Variants in ICMT observed in about 807,000 individuals in gnomAD.
ICMT encodes the protein protein-S-isoprenylcysteine O-methyltransferase.
ICMT carries 10 observed loss-of-function variants against 32.2 expected under a neutral mutation model. The observed-to-expected ratio is 0.31, with a 90% CI of 0.19 to 0.53. The LOEUF (loss-of-function observed/expected upper bound fraction) is 0.53, where lower values mean the gene tolerates loss of function less well. Among genes scored for constraint, ICMT ranks in the 20% least tolerant of loss-of-function variants. The pLI is 0.96. For synonymous variants in ICMT, 183 were observed against 158.2 expected (o/e 1.16, Z -1.18); for missense variants, 265 against 356.9 (o/e 0.74, Z 2.07).
chr1:6,229,442 C>A (rs564783827), intron 4 of ICMT, among the ~76,000 whole-genome samples: 1 of 152,262 alleles, frequency 6.6e-6, no homozygotes, highest in Admixed American at 6.5e-5. Flanking sequence ...CACATGATTG[C>A]ACTCCAGCCT....
chr1:6,225,585 G>A (rs371955020), intron 4 of ICMT, among the ~76,000 whole-genome samples: 4 of 152,098 alleles, frequency 2.6e-5, no homozygotes, highest in Admixed American at 2.0e-4. Context: ...TCCCATGCAC[G>A]CTGCCTTCCT....
rs2100957138 is a variant in ICMT, at chr1:6,223,242, G to C, written c.*1838C>G. 6.6e-6 allele frequency: 1 copy of C among 152,308 alleles called. No homozygotes were observed. The highest frequency in any genetic ancestry group is 1.9e-4 in the East Asian group (1 of 5,186). 9.4% of individuals were successfully genotyped at this position (152,308 alleles called of 1,614,324 possible). ...CCTGTCTCAGCCTCCTGAGTAGCTG[G>C]GATTACAGGCACCCGCCAGCACGCC... is the stretch of plus-strand genomic sequence containing the variant. On this transcript the variant is annotated 3_prime_UTR_variant, in exon 5 of 5. Transcript: ENST00000343813.
intron 2 of ICMT, among the ~76,000 whole-genome samples, chr1:6,233,932 T>C (rs1413568855): frequency 6.6e-6 from 1 of 152,196 alleles, no homozygotes; most frequent in Non-Finnish European, 1.5e-5. Flanking sequence ...CACTGCAACC[T>C]CCGCCTCCCA....
In ICMT at chr1:6,223,892, A is replaced by T. The variant is rs1668600985; in HGVS notation, c.*1188T>A. 6.6e-6 allele frequency: 1 copy of T among 152,252 alleles called. No individual in the cohort carries two copies. The highest frequency in any genetic ancestry group is 6.5e-5 in the Admixed American group (1 of 15,284). The allele number at this position is 152,252 out of a possible 1,614,324, so 9.4% of individuals were successfully genotyped here. A position where few individuals can be genotyped will look rare whatever the true frequency, so the allele number is the denominator to read the frequency against. ...AGGCCAAGTTCCTGTCTAGTCCAGAATGAAGCCAGCGTCTCACCTCTTAAA... is the reference window on the plus strand; with the variant it reads ...AGGCCAAGTTCCTGTCTAGTCCAGATTGAAGCCAGCGTCTCACCTCTTAAA... On this transcript the variant is annotated 3_prime_UTR_variant, in exon 5 of 5. Coordinates refer to ENST00000343813, the MANE Select transcript of ICMT (RefSeq NM_012405.4).
At position 6,225,023 on chromosome 1, in the gene ICMT, G is replaced by C; in HGVS notation, c.*57C>G. ...ATGTGGCAGCGGCCAACCGGAAACA[G>C]TTTTGTCCCAGGCTGCACAGGGTCG... On this transcript the variant is annotated 3_prime_UTR_variant, in exon 5 of 5. Transcript: ENST00000343813. 1.4e-6 allele frequency: 2 copies of C among 1,462,704 alleles called. No homozygotes were observed. Among genetic ancestry groups the C allele is most frequent in the Non-Finnish European group, 1.9e-6 (2 of 1,073,146 alleles). 90.6% of individuals were successfully genotyped at this position (1,462,704 alleles called of 1,614,324 possible).
rs1324430289 is a variant in ICMT, at chr1:6,234,880, T to G, written c.284+6A>C. 5.0e-6 allele frequency: 8 copies of G among 1,608,750 alleles called. No homozygotes were observed. Among genetic ancestry groups the G allele is most frequent in the Non-Finnish European group, 5.1e-6 (6 of 1,175,314 alleles). On this transcript the variant is annotated splice_donor_region_variant and intron_variant, in intron 2 of 4. Coordinates refer to ENST00000343813, the MANE Select transcript of ICMT (RefSeq NM_012405.4). ...TGAAAACCAGTATTTCCGAAGGAAT[T>G]CTTACCAGCCAAAGTGACTCCAAGA... is the stretch of plus-strand genomic sequence containing the variant.
At chr1:6,225,345 A>G (rs1668629375) in intron 4 of ICMT, 83 bp from the exon 5 acceptor site, 1 of 1,360,462 alleles carries the variant, frequency 7.4e-7, no homozygotes, top group Non-Finnish European at 1.0e-6. Context: ...TCTAATACCC[A>G]GAGGATTTCT....
At position 6,225,936 on chromosome 1, in the gene ICMT, C is replaced by G. The variant is rs1028231789; in HGVS notation, c.673-674G>C. ...GTGGCGTGATCATGGCTCACTGCAG[C>G]CTTAACTGCTTGGGCTCAAGTGATT... On this transcript the variant is annotated intron_variant, in intron 4 of 4. Transcript: ENST00000343813. Among the ~76,000 whole-genome samples the G allele has an allele frequency of 2.0e-5, 3 of 151,992 alleles. No individual in the cohort carries two copies. The South Asian group carries it at 6.2e-4, about 32-fold the overall frequency.
In ICMT at chr1:6,221,255, A is replaced by C. The variant is rs971672181; in HGVS notation, c.*3825T>G. 6.6e-6 allele frequency: 1 copy of C among 152,650 alleles called. No individual in the cohort carries two copies. Among genetic ancestry groups the C allele is most frequent in the African/African-American group, 2.4e-5 (1 of 41,468 alleles). 9.5% of individuals were successfully genotyped at this position (152,650 alleles called of 1,614,324 possible). ...AAAGAATAATCAGTATCTGTGAAAG[A>C]AAATCCAATTTAGAATATTTAAATA... is the stretch of plus-strand genomic sequence containing the variant. On this transcript the variant is annotated 3_prime_UTR_variant, in exon 5 of 5. Coordinates refer to ENST00000343813, the MANE Select transcript of ICMT (RefSeq NM_012405.4).
intron 3 of ICMT, 56 bp downstream of exon 3, chr1:6,233,418 A>G: frequency 6.6e-7 from 1 of 1,514,400 alleles, no homozygotes; most frequent in Non-Finnish European, 9.0e-7. Flanking sequence ...CACTGTCCTC[A>G]GCCTGAATGG....
At position 6,225,588 on chromosome 1, in the gene ICMT, G is replaced by GCCTTCCTGCCCAGGAC. The variant is rs543895786; in HGVS notation, c.673-342_673-327dup. Among the ~76,000 whole-genome samples the GCCTTCCTGCCCAGGAC allele has an allele frequency of 8.5e-4, 129 of 152,120 alleles. 1 individual carries two copies. The South Asian group carries it at 0.026, about 31-fold the overall frequency. On this transcript the variant is annotated intron_variant, in intron 4 of 4. Coordinates refer to ENST00000343813, the MANE Select transcript of ICMT (RefSeq NM_012405.4). Reference sequence around the variant, plus strand: ...CCCAACATGAGGTCCCATGCACGCTGCCTTCCTGCCCAGGACCCTCCCACC... The same window carrying GCCTTCCTGCCCAGGAC: ...CCCAACATGAGGTCCCATGCACGCTGCCTTCCTGCCCAGGACCCTTCCTGCCCAGGACCCTCCCACC...
In ICMT at chr1:6,231,840, C is replaced by T. The variant is rs1668741913; in HGVS notation, c.672+62G>A. 3 of 1,049,648 alleles carry T rather than the reference C, an allele frequency of 2.9e-6. No homozygotes were observed. In the Admixed American group the frequency reaches 7.5e-5, roughly 26 times the overall value. The allele number at this position is 1,049,648 out of a possible 1,614,324, so 65.0% of individuals were successfully genotyped here. A position where few individuals can be genotyped will look rare whatever the true frequency, so the allele number is the denominator to read the frequency against. ...GGTGACTTTTATGCTACGTGAATAT[C>T]ACGTTTAAAATGTTACTTAAAAAAA... is the stretch of plus-strand genomic sequence containing the variant. On this transcript the variant is annotated intron_variant, in intron 4 of 4. Coordinates refer to ENST00000343813, the MANE Select transcript of ICMT (RefSeq NM_012405.4).
intron 1 of ICMT, among the ~76,000 whole-genome samples, chr1:6,235,434 G>A (rs753152181): frequency 2.0e-5 from 3 of 152,216 alleles, no homozygotes; most frequent in Non-Finnish European, 4.4e-5. Context: ...AGGGCAGCAG[G>A]TAGGTCTCTG....
chr1:6,235,689 GC>G, intron 1 of ICMT, 27 bp downstream of exon 1: 3 of 1,154,466 alleles, frequency 2.6e-6, no homozygotes, highest in African/African-American at 1.7e-5. Context: ...CGCCCCGCCG[GC>G]CCCCGCCGGC....
intron 2 of ICMT, chr1:6,234,517 A>G (rs541569795): frequency 2.3e-4 from 110 of 482,214 alleles, no homozygotes; most frequent in Non-Finnish European, 3.6e-4. Flanking sequence ...GTGACCTAAT[A>G]GAAATTAGAG....
intron 3 of ICMT, 151 bp from the exon 4 acceptor site, chr1:6,232,270 A>AT: frequency 1.7e-6 from 1 of 603,964 alleles, no homozygotes; most frequent in East Asian, 2.8e-5. Flanking sequence ...TTAAAATTTC[A>AT]TAAGAAAACA....
At chr1:6,228,097 T>G (rs1243117754) in intron 4 of ICMT, among the ~76,000 whole-genome samples, 1 of 152,182 alleles carries the variant, frequency 6.6e-6, no homozygotes, top group Admixed American at 6.5e-5. Context: ...CCCAGGAGTT[T>G]GAGACTAGCT....
chr1:6,232,206 C>A, intron 3 of ICMT, 87 bp from the exon 4 acceptor site: 2 of 933,756 alleles, frequency 2.1e-6, no homozygotes, highest in Non-Finnish European at 3.2e-6. Context: ...AACCTATTTT[C>A]CCGAAGACAG....
chr1:6,235,825 C>A lies in ICMT; in HGVS notation c.87G>T (p.Ala29=). ...ATFLLGASVL[A]LPLLTRAGLQ... is the part of the protein sequence containing the mutation. The stretch of plus-strand genomic sequence containing the variant: ...GGCCGGCGCGCGTGAGCAGCGGCAG[C>A]GCGAGCACCGAGGCGCCCAGCAGGA... Residue 29 remains alanine (A), a synonymous_variant, in exon 1 of 5, where the codon GCG becomes GCT. Transcript: ENST00000343813. 1 of 1,299,800 alleles carries A rather than the reference C, an allele frequency of 7.7e-7. No homozygotes were observed. The highest frequency in any genetic ancestry group is 9.9e-7 in the Non-Finnish European group (1 of 1,014,390). 80.5% of individuals were successfully genotyped at this position (1,299,800 alleles called of 1,614,324 possible). A position where few individuals can be genotyped will look rare whatever the true frequency, so the allele number is the denominator to read the frequency against.
Sources: allele counts gnomAD v4.1 joint callset (sites outside exome capture counted in the v4.1 genomes callset), GRCh38; gene constraint gnomAD v4.1.1; transcripts MANE v1.5; gene names NCBI Gene and HGNC (gene_info 2026-07-23, HGNC 2026-07-21).